AFG1L: variants seen among roughly 807,000 people sequenced by gnomAD.
AFG1L encodes AFG1 like ATPase.
A neutral mutation model predicts 62.2 loss-of-function variants in AFG1L; 53 were observed. The observed-to-expected ratio is 0.85, with a 90% CI of 0.68 to 1.07. AFG1L has a LOEUF of 1.07. Ranked by LOEUF, AFG1L falls within the 50% of genes least tolerant of loss-of-function variation. AFG1L has a pLI of 0.00. For missense variants in AFG1L, 555 were observed against 590.5 expected (o/e 0.94, Z 0.62); for synonymous variants, 228 against 210.3 (o/e 1.08, Z -0.73).
At chr6:108,380,586 C>A (rs978432824) in intron 6 of AFG1L, among the ~76,000 whole-genome samples, 1 of 152,130 alleles carries the variant, frequency 6.6e-6, no homozygotes, top group African/African-American at 2.4e-5. Context: ...TGTGGAGGCC[C>A]CCTATCCAAC....
At chr6:108,454,583 C>T (rs1368055805) in intron 8 of AFG1L, among the ~76,000 whole-genome samples, 1 of 152,120 alleles carries the variant, frequency 6.6e-6, no homozygotes, top group African/African-American at 2.4e-5. Flanking sequence ...TGTTTATTGT[C>T]AGTGTAAATC....
chr6:108,418,869 T>C (rs1770453616), intron 7 of AFG1L, among the ~76,000 whole-genome samples: 1 of 152,198 alleles, frequency 6.6e-6, no homozygotes, highest in Non-Finnish European at 1.5e-5. Flanking sequence ...GTTGATATTT[T>C]GAACAGAAGA....
At chr6:108,335,469 A>G (rs187164600) in intron 2 of AFG1L, among the ~76,000 whole-genome samples, 261 of 152,292 alleles carry the variant, frequency 1.7e-3, no homozygotes, top group Non-Finnish European at 3.2e-3. Context: ...ATATCCACGT[A>G]TGTCTCTGTG....
chr6:108,395,225 T>C (rs1189762957), intron 6 of AFG1L, among the ~76,000 whole-genome samples: 6 of 152,118 alleles, frequency 3.9e-5, no homozygotes, highest in African/African-American at 1.2e-4. Context: ...CTAATGACCA[T>C]ATTTTATTTC....
chr6:108,446,417 C>A (rs1274434181), intron 7 of AFG1L, among the ~76,000 whole-genome samples: 1 of 151,544 alleles, frequency 6.6e-6, no homozygotes, highest in Non-Finnish European at 1.5e-5. Flanking sequence ...ATGGGCATAC[C>A]TACGACATCA....
intron 4 of AFG1L, 120 bp downstream of exon 4, chr6:108,355,875 T>C: frequency 2.8e-6 from 2 of 712,784 alleles, no homozygotes; most frequent in Non-Finnish European, 4.7e-6. Flanking sequence ...AAGATTTTAT[T>C]TGGTTCCATT....
intron 1 of AFG1L, among the ~76,000 whole-genome samples, chr6:108,315,793 A>G (rs180891186): frequency 1.3e-5 from 2 of 152,266 alleles, no homozygotes; most frequent in Admixed American, 1.3e-4. Context: ...CATGCCTGTA[A>G]TTCCAGATCT....
At chr6:108,299,513 A>G (rs1427802962) in intron 1 of AFG1L, among the ~76,000 whole-genome samples, 2 of 152,198 alleles carry the variant, frequency 1.3e-5, no homozygotes, top group African/African-American at 4.8e-5. Context: ...GGGGCTTGTT[A>G]AATTTGAGGC....
chr6:108,373,297 T>C (rs1780094823), intron 6 of AFG1L, among the ~76,000 whole-genome samples: 1 of 152,194 alleles, frequency 6.6e-6, no homozygotes, highest in South Asian at 2.1e-4. Flanking sequence ...GTATATGGTT[T>C]TTTTGTTCCT....
intron 12 of AFG1L, 26 bp from the exon 13 acceptor site, chr6:108,522,266 CTTTAT>C: frequency 6.2e-7 from 1 of 1,602,124 alleles, no homozygotes; most frequent in Non-Finnish European, 8.5e-7. Context: ...TTTGTGATAG[CTTTAT>C]TTTAATTTCT....
intron 9 of AFG1L, 57 bp from the exon 10 acceptor site, chr6:108,477,135 G>C: frequency 8.4e-7 from 1 of 1,195,800 alleles, no homozygotes; most frequent in Non-Finnish European, 1.2e-6. Context: ...ATCTGTAAGA[G>C]ATGAATTTTA....
At chr6:108,520,132 A>G (rs1482705520) in intron 12 of AFG1L, 1 of 223,440 alleles carries the variant, frequency 4.5e-6, no homozygotes, top group African/African-American at 2.3e-5. Flanking sequence ...ATGCCAAACC[A>G]CCTGTGCCCG....
chr6:108,366,341 AAACATTGTG>A lies in AFG1L; in HGVS notation c.748+10_748+18del. The stretch of plus-strand genomic sequence containing the variant: ...CAACAGGCCACCGGAAGGTAAAAAC[AAACATTGTG>A]CTAGTCTCATCCAATTAGGTGGAAA... On this transcript the variant is annotated intron_variant, in intron 6 of 12. Coordinates refer to ENST00000368977, the MANE Select transcript of AFG1L (RefSeq NM_145315.5). The A allele has an allele frequency of 6.3e-7, 1 of 1,587,184 alleles. No individual in the cohort carries two copies. The highest frequency in any genetic ancestry group is 8.6e-7 in the Non-Finnish European group (1 of 1,156,576).
chr6:108,465,687 T>A (rs1303681727), intron 8 of AFG1L, among the ~76,000 whole-genome samples: 1 of 150,920 alleles, frequency 6.6e-6, no homozygotes, highest in Non-Finnish European at 1.5e-5. Flanking sequence ...GCTGCTAAAG[T>A]TTTTACAATA....
At chr6:108,499,320 C>T (rs1221125829) in intron 10 of AFG1L, among the ~76,000 whole-genome samples, 2 of 151,918 alleles carry the variant, frequency 1.3e-5, no homozygotes, top group Admixed American at 1.3e-4. Flanking sequence ...CCACCAACCT[C>T]AGCCTCCCAA....
At position 108,295,115 on chromosome 6, in the gene AFG1L, C is replaced by T. The variant is rs1389873894; in HGVS notation, c.36C>T (p.Arg12=). ...AASWSLLVTL[R]PLAQSPLRGR... is the part of the protein sequence containing the mutation. ...CCTGGTCGCTCTTGGTTACCCTGCG[C>T]CCCTTAGCACAGAGCCCGCTGAGAG... is the stretch of plus-strand genomic sequence containing the variant. The change falls in exon 1 of 13, where the codon CGC becomes CGT. Residue 12 remains arginine, a synonymous_variant. Coordinates refer to ENST00000368977, the MANE Select transcript of AFG1L (RefSeq NM_145315.5). The T allele has an allele frequency of 5.0e-6, 8 of 1,611,410 alleles. No individual in the cohort carries two copies. Among genetic ancestry groups the T allele is most frequent in the South Asian group, 3.3e-5 (3 of 91,084 alleles).
intron 1 of AFG1L, among the ~76,000 whole-genome samples, chr6:108,322,682 T>G (rs559723829): frequency 6.6e-6 from 1 of 152,340 alleles, no homozygotes; most frequent in African/African-American, 2.4e-5. Flanking sequence ...ACATTGTGAT[T>G]GTTAATTCTT....
At chr6:108,516,323 C>T (rs1431260824) in intron 11 of AFG1L, among the ~76,000 whole-genome samples, 1 of 152,204 alleles carries the variant, frequency 6.6e-6, no homozygotes, top group Non-Finnish European at 1.5e-5. Flanking sequence ...GGGCTTCATC[C>T]CTGGGATGCA....
chr6:108,321,925 G>A (rs1005301274), intron 1 of AFG1L, among the ~76,000 whole-genome samples: 7 of 152,046 alleles, frequency 4.6e-5, no homozygotes, highest in Admixed American at 1.3e-4. Flanking sequence ...TCTGTTGCCC[G>A]GGCTGGAGTG....
Sources: gnomAD v4.1 joint callset for allele counts (sites outside exome capture counted in the v4.1 genomes callset) on GRCh38, gnomAD v4.1.1 for gene constraint, MANE v1.5 for transcripts, NCBI Gene and HGNC (gene_info 2026-07-23, HGNC 2026-07-21) for gene names.